The following TRIM2 variants were observed in gnomAD, a reference collection of about 807,000 sequenced individuals.
TRIM2 encodes the protein tripartite motif-containing protein 2.
TRIM2 carries 20 observed loss-of-function variants against 75.2 expected under a neutral mutation model. The observed-to-expected ratio is 0.27, with a 90% CI of 0.19 to 0.39. The LOEUF is 0.39. Among genes scored for constraint, TRIM2 ranks in the 10% least tolerant of loss-of-function variants. The pLI is 1.00. For synonymous variants in TRIM2, 373 were observed against 388.3 expected, an observed-to-expected ratio of 0.96 and a Z score of 0.46; for missense variants, 660 against 990.8, an observed-to-expected ratio of 0.67 and a Z score of 4.48.
chr4:153,273,442 A>ATTTTTTT (rs11459214), intron 2 of TRIM2, among the ~76,000 whole-genome samples: 35 of 77,646 alleles, frequency 4.5e-4, no homozygotes, highest in African/African-American at 2.2e-3. Context: ...CGCCCGGCTA[A>ATTTTTTT]TTTTTTTTTT....
chr4:153,179,929 T>C, intron 1 of TRIM2, among the ~76,000 whole-genome samples: 1 of 152,218 alleles, frequency 6.6e-6, no homozygotes. Flanking sequence ...GTGAGATTTT[T>C]ATTGCTAAAT....
At chr4:153,184,321 A>G (rs1273704070) in intron 1 of TRIM2, among the ~76,000 whole-genome samples, 1 of 152,134 alleles carries the variant, frequency 6.6e-6, no homozygotes, top group Non-Finnish European at 1.5e-5. Context: ...ATGTGCTTAC[A>G]TGGCCTTTCC....
intron 6 of TRIM2, among the ~76,000 whole-genome samples, chr4:153,303,669 C>T (rs143779499): frequency 7.9e-4 from 120 of 152,204 alleles, no homozygotes; most frequent in African/African-American, 2.6e-3. Context: ...GCTTTTCAGC[C>T]GGTGACATAC....
chr4:153,285,940 A>G (rs1194486454), intron 3 of TRIM2, among the ~76,000 whole-genome samples: 1 of 152,206 alleles, frequency 6.6e-6, no homozygotes, highest in Non-Finnish European at 1.5e-5. Flanking sequence ...AAGAGTGAAT[A>G]TCCTCTTGTT....
At chr4:153,326,171 C>T (rs752207555) in intron 10 of TRIM2, among the ~76,000 whole-genome samples, 53 of 152,278 alleles carry the variant, frequency 3.5e-4, no homozygotes, top group East Asian at 7.7e-4. Flanking sequence ...TAAGCTGATA[C>T]TTCTGCCTCT....
At chr4:153,284,446 T>C (rs1365080921) in intron 3 of TRIM2, among the ~76,000 whole-genome samples, 1 of 150,258 alleles carries the variant, frequency 6.7e-6, no homozygotes, top group Non-Finnish European at 1.5e-5. Context: ...TCAAGTGATC[T>C]GCCAGCCTTG....
At position 153,335,215 on chromosome 4, in the gene TRIM2, G is replaced by T. The variant is rs1772319474; in HGVS notation, c.*249G>T. ...CTGCAGTTTTACATCTGTGAACTAT[G>T]GCTTAAGGGACAGGATTTATGTAGC... On this transcript the variant is annotated 3_prime_UTR_variant, in exon 12 of 12. Coordinates refer to ENST00000338700, the MANE Select transcript of TRIM2 (RefSeq NM_015271.5). 1 of 1,172,496 alleles carries T rather than the reference G, an allele frequency of 8.5e-7. No homozygotes were observed. The highest frequency in any genetic ancestry group is 4.4e-5 in the Admixed American group (1 of 22,622). 72.6% of individuals were successfully genotyped at this position (1,172,496 alleles called of 1,614,324 possible). A position where few individuals can be genotyped will look rare whatever the true frequency, so the allele number is the denominator to read the frequency against.
intron 1 of TRIM2, among the ~76,000 whole-genome samples, chr4:153,159,218 C>T (rs548447223): frequency 2.0e-5 from 3 of 151,912 alleles, no homozygotes; most frequent in African/African-American, 7.2e-5. Flanking sequence ...CCATACGAAG[C>T]CACCCTATGG....
chr4:153,295,474 C>G lies in TRIM2; in HGVS notation c.948C>G (p.Phe316Leu). Residue 316 changes from phenylalanine to leucine, a missense_variant, in exon 6 of 12, where the codon TTC (phenylalanine) becomes TTG (leucine). By Grantham distance (22) the Phe-to-Leu change is conservative (BLOSUM62 0). Around this residue, in one of 2 missense-constraint regions of TRIM2, gnomAD observed 620 missense variants for 891.0 expected, o/e 0.70. Coordinates refer to ENST00000338700, the MANE Select transcript of TRIM2 (RefSeq NM_015271.5). This position sits in a 1 kb window ranked among gnomAD's most constrained non-coding sequence, Gnocchi z 7.2. ...EKLNELADQD[F>L]PLHPRENDQL... is the part of the protein sequence containing the mutation. ...TGAACGAGCTGGCCGACCAGGACTT[C>G]CCCTTGCACCCGCGGGAGAACGACC... 1.2e-6 allele frequency: 2 copies of G among 1,614,206 alleles called. No homozygotes were observed. The highest frequency in any genetic ancestry group is 1.7e-6 in the Non-Finnish European group (2 of 1,180,040).
chr4:153,293,599 T>C (rs1034763300), intron 4 of TRIM2, among the ~76,000 whole-genome samples: 1 of 152,172 alleles, frequency 6.6e-6, no homozygotes, highest in Non-Finnish European at 1.5e-5. Context: ...AGTTCCTTCT[T>C]TGGCACAGAA....
At chr4:153,200,845 T>A (rs937720764), upstream of TRIM2, among the ~76,000 whole-genome samples, 2 of 150,334 alleles carry the variant, frequency 1.3e-5, no homozygotes, top group Admixed American at 6.7e-5. Flanking sequence ...AGAGACCGGG[T>A]CTCACCATGT....
At chr4:153,215,763 T>C (rs149890964) in intron 1 of TRIM2, among the ~76,000 whole-genome samples, 311 of 152,326 alleles carry the variant, frequency 2.0e-3, no homozygotes, top group African/African-American at 7.0e-3. Context: ...AAAACAGGCA[T>C]TGAAATCTAT....
At chr4:153,297,989 T>C (rs911968139) in intron 6 of TRIM2, among the ~76,000 whole-genome samples, 1 of 152,194 alleles carries the variant, frequency 6.6e-6, no homozygotes, top group Admixed American at 6.5e-5. Context: ...TCACCTCTGA[T>C]ACCCACTTGA....
chr4:153,156,454 C>G (rs192621254), intron 1 of TRIM2, among the ~76,000 whole-genome samples: 1 of 152,212 alleles, frequency 6.6e-6, no homozygotes, highest in South Asian at 2.1e-4. Context: ...CCATTCTTAA[C>G]CACGCCTGCC....
intron 1 of TRIM2, chr4:153,222,530 A>T (rs931484990): frequency 6.6e-6 from 1 of 152,094 alleles, no homozygotes; most frequent in Admixed American, 6.5e-5. Context: ...GTTTGTTTTC[A>T]TGCTCTTTGT....
chr4:153,153,458 C>G (rs1462039349), intron 1 of TRIM2, among the ~76,000 whole-genome samples: 3 of 152,208 alleles, frequency 2.0e-5, no homozygotes, highest in Non-Finnish European at 4.4e-5. Context: ...GAGGCGACAG[C>G]CCGGAAGGCT....
At chr4:153,186,977 T>C (rs914309885) in intron 1 of TRIM2, among the ~76,000 whole-genome samples, 1 of 152,238 alleles carries the variant, frequency 6.6e-6, no homozygotes, top group African/African-American at 2.4e-5. Flanking sequence ...GGCTGTTTAA[T>C]GAACTATTTT....
chr4:153,170,600 T>C (rs947712998), intron 1 of TRIM2, among the ~76,000 whole-genome samples: 2 of 152,146 alleles, frequency 1.3e-5, no homozygotes, highest in Admixed American at 6.5e-5. Flanking sequence ...GCTGAGCACA[T>C]TCACCCACAA....
chr4:153,176,066 A>C (rs1208389266), intron 1 of TRIM2, among the ~76,000 whole-genome samples: 10 of 151,806 alleles, frequency 6.6e-5, no homozygotes, highest in Middle Eastern at 3.4e-3. Flanking sequence ...AAAAAAAAAA[A>C]CTTTTTTTTA....
Sources: gnomAD v4.1 joint callset for allele counts (sites outside exome capture counted in the v4.1 genomes callset) on GRCh38, gnomAD v4.1.1 for gene constraint, gnomAD v4.1.1 regional missense constraint, Gnocchi (gnomAD v3.1) non-coding constraint, MANE v1.5 for transcripts, NCBI Gene and HGNC (gene_info 2026-07-23, HGNC 2026-07-21) for gene names.